Variants in MIDEAS observed in about 807,000 individuals in gnomAD.
MIDEAS encodes mitotic deacetylase-associated SANT domain protein.
A neutral mutation model predicts 102.7 loss-of-function variants in MIDEAS; 26 were observed. The ratio of observed to expected loss-of-function variants is 0.25; its 90% CI spans 0.19 to 0.35. MIDEAS has a LOEUF of 0.35. Among genes scored for constraint, MIDEAS ranks in the 10% least tolerant of loss-of-function variants. The pLI, the probability that MIDEAS is intolerant of heterozygous loss-of-function variation, is 1.00. For synonymous variants in MIDEAS, 585 were observed against 591.0 expected, an observed-to-expected ratio of 0.99 and a Z score of 0.15; for missense variants, 1,231 against 1,435.6, an observed-to-expected ratio of 0.86 and a Z score of 2.30.
intron 3 of MIDEAS, among the ~76,000 whole-genome samples, chr14:73,732,759 C>T (rs1424864822): frequency 5.8e-5 from 7 of 119,886 alleles, no homozygotes; most frequent in Admixed American, 3.5e-4. Context: ...GCACTCTAGC[C>T]GGGGTGACAC....
At chr14:73,772,998 C>A (rs987870522) in intron 1 of MIDEAS, among the ~76,000 whole-genome samples, 17 of 151,872 alleles carry the variant, frequency 1.1e-4, no homozygotes. Context: ...ACCACCACAC[C>A]CAGCTAATTT....
intron 1 of MIDEAS, among the ~76,000 whole-genome samples, chr14:73,755,398 C>T (rs774475199): frequency 6.6e-6 from 1 of 152,178 alleles, no homozygotes; most frequent in Non-Finnish European, 1.5e-5. Context: ...TTTCCTTCAC[C>T]GTTGCACATA....
In MIDEAS at chr14:73,733,135, C is replaced by T. The variant is rs142012949; in HGVS notation, c.1750-3150G>A. Among the ~76,000 whole-genome samples, 681 of 152,120 alleles carry T rather than the reference C, an allele frequency of 4.5e-3. 3 individuals are homozygous for T. The highest frequency in any genetic ancestry group is 0.015 in the African/African-American group (641 of 41,498). ...AAAAACAAAGCTGAAGTTTAGGGCTCGCCAAGGAAGGAGAGCTTGGCAAAC... is the reference window on the plus strand; with the variant it reads ...AAAAACAAAGCTGAAGTTTAGGGCTTGCCAAGGAAGGAGAGCTTGGCAAAC... On this transcript the variant is annotated intron_variant, in intron 3 of 12. Transcript: ENST00000423556.
chr14:73,772,908 C>T (rs1398739302), intron 1 of MIDEAS, among the ~76,000 whole-genome samples: 3 of 151,398 alleles, frequency 2.0e-5, no homozygotes, highest in Admixed American at 6.6e-5. Context: ...GGTGCCATCT[C>T]GGCTCACTGC....
At chr14:73,788,872 G>A (rs2053842918), upstream of MIDEAS, 1 of 152,152 alleles carries the variant, frequency 6.6e-6, no homozygotes, top group African/African-American at 2.4e-5. Flanking sequence ...TAAAACAAGA[G>A]CTGAATATTT....
At chr14:73,755,474 ACCT>A (rs2053468592) in intron 1 of MIDEAS, among the ~76,000 whole-genome samples, 1 of 152,216 alleles carries the variant, frequency 6.6e-6, no homozygotes, top group African/African-American at 2.4e-5. Context: ...CTCTACCCAA[ACCT>A]CCTGCGAGGT....
At chr14:73,770,292 T>C (rs1239795407) in intron 1 of MIDEAS, among the ~76,000 whole-genome samples, 2 of 152,168 alleles carry the variant, frequency 1.3e-5, no homozygotes, top group Non-Finnish European at 2.9e-5. Flanking sequence ...TCTAAATAGG[T>C]GTCATGTTTA....
intron 1 of MIDEAS, among the ~76,000 whole-genome samples, chr14:73,768,911 T>A (rs1050020688): frequency 2.0e-5 from 3 of 152,212 alleles, no homozygotes; most frequent in Non-Finnish European, 4.4e-5. Context: ...GGAGGGTTGC[T>A]TAGGTGGGAT....
upstream of MIDEAS, among the ~76,000 whole-genome samples, chr14:73,764,339 CAAAA>C (rs5809629): frequency 2.3e-5 from 2 of 88,260 alleles, no homozygotes; most frequent in Non-Finnish European, 4.4e-5. Context: ...GACCCTGTCT[CAAAA>C]AAAAAAAAAA....
intron 1 of MIDEAS, among the ~76,000 whole-genome samples, chr14:73,753,533 A>C (rs1163762370): frequency 6.6e-6 from 1 of 152,218 alleles, no homozygotes; most frequent in African/African-American, 2.4e-5. Context: ...ACATAGATGA[A>C]GCGCCGCCTG....
At position 73,725,922 on chromosome 14, in the gene MIDEAS, C is replaced by G; in HGVS notation, c.2485+111G>C. 1 of 944,232 alleles carries G rather than the reference C, an allele frequency of 1.1e-6. No homozygotes were observed. Among genetic ancestry groups the G allele is most frequent in the Non-Finnish European group, 1.6e-6 (1 of 606,422 alleles). The allele number at this position is 944,232 out of a possible 1,614,324, so 58.5% of individuals were successfully genotyped here. A position where few individuals can be genotyped will look rare whatever the true frequency, so the allele number is the denominator to read the frequency against. ...TCACTCTGACTCTTGGCTTATCTACCCTCCTCCTCCCGCCCCCACCCAGGG... is the reference window on the plus strand; with the variant it reads ...TCACTCTGACTCTTGGCTTATCTACGCTCCTCCTCCCGCCCCCACCCAGGG... On this transcript the variant is annotated intron_variant, in intron 8 of 12. Transcript: ENST00000423556. The surrounding 1 kb of genome is among the most constrained non-coding windows in gnomAD (Gnocchi z 4.1).
At chr14:73,722,566 G>A (rs1252740938) in intron 10 of MIDEAS, 132 bp downstream of exon 10, 5 of 1,076,018 alleles carry the variant, frequency 4.6e-6, no homozygotes, top group South Asian at 4.6e-5. Context: ...GCTCCTTGCG[G>A]CTGTCAGGGA....
chr14:73,743,066 C>T (rs1467679679), intron 1 of MIDEAS, among the ~76,000 whole-genome samples: 1 of 152,116 alleles, frequency 6.6e-6, no homozygotes, highest in African/African-American at 2.4e-5. Flanking sequence ...CATTATGTTG[C>T]AGAGCCAAGA....
chr14:73,750,931 T>C (rs1002861546), intron 1 of MIDEAS, among the ~76,000 whole-genome samples: 7 of 152,212 alleles, frequency 4.6e-5, no homozygotes, highest in South Asian at 2.1e-4. Flanking sequence ...AAAATTTCCA[T>C]TGAAGGTGCT....
chr14:73,772,532 TA>T (rs1403063986), intron 1 of MIDEAS, among the ~76,000 whole-genome samples: 3 of 152,208 alleles, frequency 2.0e-5, no homozygotes, highest in African/African-American at 7.2e-5. Context: ...TGACTCTAGG[TA>T]TCATGAATTA....
chr14:73,748,766 C>T (rs1200267454), intron 1 of MIDEAS, among the ~76,000 whole-genome samples: 2 of 48,222 alleles, frequency 4.1e-5, no homozygotes, highest in Non-Finnish European at 7.3e-5. Context: ...TAGACTCCGT[C>T]TCAAAAAAAA....
In MIDEAS at chr14:73,739,070, G is replaced by C. The variant is rs759620057; in HGVS notation, c.939C>G (p.Pro313=). Residue 313 remains proline (P), a synonymous_variant, in exon 2 of 13, where the codon CCC becomes CCG. Transcript: ENST00000423556. The stretch of plus-strand genomic sequence containing the variant: ...GCAGTTCTGGGTTCATATCTGGGTT[G>C]GGGGGGAAGGGGTAGGGTGCCATGC... ...HHSMAPYPFP[P]NPDMNPELRK... The C allele has an allele frequency of 5.7e-6, 9 of 1,573,642 alleles. No individual in the cohort carries two copies. The highest frequency in any genetic ancestry group is 2.2e-5 in the East Asian group (1 of 44,480).
rs962978154 is a variant in MIDEAS, at chr14:73,718,133, A to G, written c.*710T>C. The G allele has an allele frequency of 3.3e-5, 5 of 152,510 alleles. No homozygotes were observed. The highest frequency in any genetic ancestry group is 6.5e-5 in the Admixed American group (1 of 15,278). 9.4% of individuals were successfully genotyped at this position (152,510 alleles called of 1,614,324 possible). A position where few individuals can be genotyped will look rare whatever the true frequency, so the allele number is the denominator to read the frequency against. ...CCCTGCAGCAGGATGAGTGCTTTGG[A>G]CAAGAACGCTAGCCCCTCCCCCAAC... On this transcript the variant is annotated 3_prime_UTR_variant, in exon 13 of 13. Coordinates refer to ENST00000423556, the MANE Select transcript of MIDEAS (RefSeq NM_001367710.1).
At chr14:73,756,654 C>A (rs960654989) in intron 1 of MIDEAS, among the ~76,000 whole-genome samples, 4 of 152,184 alleles carry the variant, frequency 2.6e-5, no homozygotes, top group South Asian at 2.1e-4. Flanking sequence ...TGCATGCACG[C>A]CTGCACACAC....
Sources: gnomAD v4.1 joint callset for allele counts (sites outside exome capture counted in the v4.1 genomes callset) on GRCh38, gnomAD v4.1.1 for gene constraint, Gnocchi (gnomAD v3.1) non-coding constraint, MANE v1.5 for transcripts, NCBI Gene and HGNC (gene_info 2026-07-23, HGNC 2026-07-21) for gene names.